Variants in MAST4 observed in about 807,000 individuals in gnomAD.
MAST4 encodes microtubule associated serine/threonine kinase family member 4.
In MAST4, 89 loss-of-function variants were observed where a neutral mutation model predicts 162.7. The observed-to-expected ratio is 0.55, with a 90% CI of 0.46 to 0.65. The LOEUF is 0.65. Among genes scored for constraint, MAST4 ranks in the 30% least tolerant of loss-of-function variants. The pLI is 0.00. For missense variants in MAST4, 3,153 were observed against 3,374.0 expected, an observed-to-expected ratio of 0.93 and a Z score of 1.62; for synonymous variants, 1,479 against 1,361.1, an observed-to-expected ratio of 1.09 and a Z score of -1.91.
At chr5:66,680,762 G>GA (rs1748278874) in intron 1 of MAST4, among the ~76,000 whole-genome samples, 1 of 152,138 alleles carries the variant, frequency 6.6e-6, no homozygotes, top group African/African-American at 2.4e-5. Flanking sequence ...CAAACCCGAG[G>GA]GAGAAAGAGT....
chr5:66,628,740 G>A (rs986949546), intron 1 of MAST4, among the ~76,000 whole-genome samples: 118 of 152,210 alleles, frequency 7.8e-4, no homozygotes, highest in African/African-American at 2.6e-3. Flanking sequence ...TCTGGATTTC[G>A]TAGCATTATA....
chr5:66,887,653 C>T (rs971072158), intron 3 of MAST4, among the ~76,000 whole-genome samples: 3 of 152,134 alleles, frequency 2.0e-5, no homozygotes, highest in Admixed American at 1.3e-4. Flanking sequence ...TACTCAATTT[C>T]CCCATCTGAA....
At chr5:67,055,425 G>T (rs946737062) in intron 5 of MAST4, among the ~76,000 whole-genome samples, 15 of 152,184 alleles carry the variant, frequency 9.9e-5, no homozygotes, top group Non-Finnish European at 1.6e-4. Context: ...GTTCTCAGAT[G>T]ATCTTGACCT....
At chr5:66,849,696 A>G (rs916868090) in intron 3 of MAST4, among the ~76,000 whole-genome samples, 11 of 152,182 alleles carry the variant, frequency 7.2e-5, no homozygotes, top group Non-Finnish European at 1.5e-4. Context: ...ACTTCTTAAG[A>G]TCAAGAAAAT....
intron 4 of MAST4, among the ~76,000 whole-genome samples, chr5:66,937,510 T>A (rs1742880913): frequency 1.3e-5 from 2 of 152,202 alleles, no homozygotes; most frequent in Admixed American, 1.3e-4. Context: ...TCCAATTACT[T>A]AGTAATCCTC....
In MAST4 at chr5:66,871,731, G is replaced by A. The variant is rs1332707124; in HGVS notation, c.643-28220G>A. ...GACGACAGTTCCACTCCAGGTCAAC[G>A]TGTCAACTTTCGAGAGGCAGGATTC... On this transcript the variant is annotated intron_variant, in intron 3 of 28. Coordinates refer to ENST00000403625, the MANE Select transcript of MAST4 (RefSeq NM_001164664.2). 2.0e-5 allele frequency among the ~76,000 whole-genome samples: 3 copies of A among 152,192 alleles called. No individual in the cohort carries two copies. The East Asian group carries it at 5.8e-4, about 29-fold the overall frequency.
At chr5:66,974,218 A>T (rs1220528833) in intron 4 of MAST4, among the ~76,000 whole-genome samples, 1 of 152,174 alleles carries the variant, frequency 6.6e-6, no homozygotes, top group African/African-American at 2.4e-5. Flanking sequence ...TTGTTTATTT[A>T]TCCTACCCAA....
intron 3 of MAST4, among the ~76,000 whole-genome samples, chr5:66,849,250 A>T (rs1444101928): frequency 6.6e-6 from 1 of 152,092 alleles, no homozygotes; most frequent in African/African-American, 2.4e-5. Context: ...AGTTTGTTCT[A>T]TTCTGGTTCA....
intron 1 of MAST4, among the ~76,000 whole-genome samples, chr5:66,671,613 C>T (rs1429539371): frequency 2.0e-5 from 3 of 152,222 alleles, no homozygotes; most frequent in East Asian, 1.9e-4. Context: ...CCATAAAATA[C>T]GGTTTTGCCT....
intron 26 of MAST4, among the ~76,000 whole-genome samples, chr5:67,159,876 G>A (rs1772990454): frequency 6.6e-6 from 1 of 152,142 alleles, no homozygotes; most frequent in Admixed American, 6.5e-5. Context: ...AGGTTTTATG[G>A]TGATAGAAAA....
At chr5:66,648,253 T>C (rs988662888) in intron 1 of MAST4, among the ~76,000 whole-genome samples, 1 of 151,978 alleles carries the variant, frequency 6.6e-6, no homozygotes, top group Admixed American at 6.6e-5. Flanking sequence ...TTTACTGGAG[T>C]TTTCTGTGCT....
At chr5:66,974,775 G>A (rs1747914007) in intron 4 of MAST4, among the ~76,000 whole-genome samples, 1 of 152,280 alleles carries the variant, frequency 6.6e-6, no homozygotes, top group East Asian at 1.9e-4. Context: ...TATTTGTTCT[G>A]TACATAATAC....
At chr5:66,975,478 G>A (rs1334801312) in intron 4 of MAST4, among the ~76,000 whole-genome samples, 2 of 152,140 alleles carry the variant, frequency 1.3e-5, no homozygotes, top group Non-Finnish European at 2.9e-5. Flanking sequence ...AGCCCAGTGC[G>A]CCTTTCACTG....
chr5:66,881,082 A>G (rs139861162), intron 3 of MAST4, among the ~76,000 whole-genome samples: 171 of 152,354 alleles, frequency 1.1e-3, no homozygotes, highest in Non-Finnish European at 2.2e-3. Flanking sequence ...TGAAAACAAA[A>G]CAGCATCACC....
At chr5:66,602,297 G>A (rs1742605509) in intron 1 of MAST4, among the ~76,000 whole-genome samples, 1 of 152,154 alleles carries the variant, frequency 6.6e-6, no homozygotes, top group African/African-American at 2.4e-5. Flanking sequence ...AGGAAGTGTG[G>A]TGTTTGGGTA....
In MAST4 at chr5:67,099,813, T is replaced by C. The variant is rs551284008; in HGVS notation, c.913-622T>C. Among the ~76,000 whole-genome samples the C allele has an allele frequency of 8.3e-5, 12 of 143,862 alleles. No individual in the cohort carries two copies. In the South Asian group the frequency reaches 2.6e-3, roughly 32 times the overall value. The allele number at this position is 143,862 out of a possible 152,430, so 94.4% of individuals were successfully genotyped here. On this transcript the variant is annotated intron_variant, in intron 7 of 28. Coordinates refer to ENST00000403625, the MANE Select transcript of MAST4 (RefSeq NM_001164664.2). ...CAAAAAATTCACCACCACTTGAAGG[T>C]TTTTTTTTTTTATTTTAAGTTATAA...
intron 1 of MAST4, among the ~76,000 whole-genome samples, chr5:66,694,130 T>C (rs62359995): frequency 0.28 from 42,771 of 152,010 alleles, 6,191 homozygotes; most frequent in South Asian, 0.35. Context: ...AGGGAGCGCA[T>C]TGAAAGAATA....
chr5:67,018,310 A>G (rs1020350018), intron 4 of MAST4, among the ~76,000 whole-genome samples: 3 of 152,168 alleles, frequency 2.0e-5, no homozygotes, highest in African/African-American at 7.2e-5. Flanking sequence ...CAGGAGGGTC[A>G]TTTGAGCCCT....
At chr5:67,028,103 TC>T (rs1482718278) in intron 4 of MAST4, among the ~76,000 whole-genome samples, 1 of 152,138 alleles carries the variant, frequency 6.6e-6, no homozygotes, top group Non-Finnish European at 1.5e-5. Flanking sequence ...TGAGTATATG[TC>T]TGTCTTACTC....
Sources: allele counts gnomAD v4.1 joint callset (sites outside exome capture counted in the v4.1 genomes callset), GRCh38; gene constraint gnomAD v4.1.1; transcripts MANE v1.5; gene names NCBI Gene and HGNC (gene_info 2026-07-23, HGNC 2026-07-21).